The following DNHD1 variants were observed in gnomAD, a reference collection of about 807,000 sequenced individuals.
DNHD1 encodes the protein dynein heavy chain domain 1.
In DNHD1, 383 loss-of-function variants were observed where a neutral mutation model predicts 458.1. The observed-to-expected ratio is 0.84, with a 90% confidence interval of 0.77 to 0.91. DNHD1 has a LOEUF of 0.91. DNHD1 is among the 40% of genes least tolerant of loss of function. The pLI, the probability that DNHD1 is intolerant of heterozygous loss-of-function variation, is 0.00. For synonymous variants in DNHD1, 2,203 were observed against 2,376.9 expected (o/e 0.93, Z 2.13); for missense variants, 5,336 against 5,866.1 (o/e 0.91, Z 2.95).
rs375591997 is a variant in DNHD1, at chr11:6,563,070, T to G, written c.9608T>G (p.Ile3203Ser). 4.5e-6 allele frequency: 7 copies of G among 1,551,546 alleles called. No homozygotes were observed. Among genetic ancestry groups the G allele is most frequent in the East Asian group, 4.9e-5 (2 of 40,892 alleles). Reference protein sequence around the residue: ...LEECRHQENLIENLARQRDAL... With the variant: ...LEECRHQENLSENLARQRDAL... ...GAGTGTCGGCATCAAGAGAACCTCA[T>G]TGAGAACCTGGCCAGGCAACGGGAT... The change falls in exon 29 of 43, where the codon ATT (isoleucine) becomes AGT (serine). Residue 3203 changes from isoleucine to serine, a missense_variant. Coordinates refer to ENST00000254579, the MANE Select transcript of DNHD1 (RefSeq NM_144666.3).
rs1452878053 is a variant in DNHD1 at position 6,571,317 on chromosome 11, T to C, written c.13805T>C (p.Leu4602Pro). ...LLLALRGEAA[L>P]DQNVPSSNFP... The stretch of plus-strand genomic sequence containing the variant: ...CTGGCATTGCGTGGGGAAGCTGCCC[T>C]GGACCAGAATGTGCCCAGCTCGAAT... Residue 4602 changes from leucine to proline, a missense_variant, in exon 42 of 43, where the codon CTG becomes CCG. This residue lies in a region of DNHD1 where 698 missense variants were observed against 664.9 expected (regional missense o/e 1.05). Transcript: ENST00000254579. The surrounding 1 kb of genome is among the most constrained non-coding windows in gnomAD (Gnocchi z 5.0). The C allele has an allele frequency of 6.2e-7, 1 of 1,612,364 alleles. No individual in the cohort carries two copies. Among genetic ancestry groups the C allele is most frequent in the Admixed American group, 1.7e-5 (1 of 59,924 alleles).
chr11:6,563,064 A>T lies in DNHD1; in HGVS notation c.9602A>T (p.Asn3201Ile), dbSNP rs1853617732. The change falls in exon 29 of 43, where the codon AAC (asparagine) becomes ATC (isoleucine). Residue 3201 changes from asparagine (N) to isoleucine (I), a missense_variant. Around this residue, in one of 4 missense-constraint regions of DNHD1, gnomAD observed 3,932 missense variants for 4,365.6 expected, o/e 0.90. Transcript: ENST00000254579. ...CTGGAAGAGTGTCGGCATCAAGAGA[A>T]CCTCATTGAGAACCTGGCCAGGCAA... ...QQLEECRHQE[N>I]LIENLARQRD... The T allele has an allele frequency of 6.4e-7, 1 of 1,551,686 alleles. No homozygotes were observed. The highest frequency in any genetic ancestry group is 2.4e-5 in the East Asian group (1 of 40,916).
chr11:6,520,312 G>A, intron 10 of DNHD1, 23 bp downstream of exon 10: 1 of 1,551,662 alleles, frequency 6.4e-7, no homozygotes, highest in Non-Finnish European at 8.7e-7. Context: ...ACCTAGGCAG[G>A]GGGTAGGAAG....
chr11:6,511,772 G>A (rs1852338950), intron 7 of DNHD1, among the ~76,000 whole-genome samples: 1 of 152,202 alleles, frequency 6.6e-6, no homozygotes, highest in Admixed American at 6.5e-5. Context: ...ATGCTGCTGA[G>A]CTTATTTTTG....
intron 7 of DNHD1, among the ~76,000 whole-genome samples, chr11:6,517,526 AAAT>A (rs1852501993): frequency 6.6e-6 from 1 of 152,166 alleles, no homozygotes; most frequent in Admixed American, 6.5e-5. Flanking sequence ...ATATACAATG[AAAT>A]ATTATTCAGT....
At position 6,539,761 on chromosome 11, in the gene DNHD1, C is replaced by T. The variant is rs1251301883; in HGVS notation, c.3421-115C>T. On this transcript the variant is annotated intron_variant, in intron 17 of 42. Transcript: ENST00000254579. ...TCTCGCTTCATCTCTGAGACCTCCA[C>T]TTTCCTGAGCCCTGGCCCTTGAGTT... is the stretch of plus-strand genomic sequence containing the variant. 7.3e-6 allele frequency: 7 copies of T among 959,238 alleles called. 1 individual carries two copies. The East Asian group carries it at 1.6e-4, about 22-fold the overall frequency. 59.4% of individuals were successfully genotyped at this position (959,238 alleles called of 1,614,324 possible).
intron 24 of DNHD1, among the ~76,000 whole-genome samples, chr11:6,551,768 C>T (rs955629665): frequency 4.6e-5 from 7 of 152,192 alleles, no homozygotes; most frequent in Non-Finnish European, 1.0e-4. Flanking sequence ...TGGTGAAACC[C>T]CGTCTCTACT....
intron 3 of DNHD1, among the ~76,000 whole-genome samples, chr11:6,501,608 C>CA (rs1171325710): frequency 2.6e-5 from 4 of 151,838 alleles, no homozygotes; most frequent in African/African-American, 9.7e-5. Flanking sequence ...GAGAAGGAGA[C>CA]AGAGAATGGG....
At chr11:6,544,069 C>G (rs1449675527) in intron 18 of DNHD1, 52 bp from the exon 19 acceptor site, 4 of 1,547,538 alleles carry the variant, frequency 2.6e-6, no homozygotes, top group Admixed American at 2.0e-5. Context: ...TTCTCTCCCC[C>G]AGCCCCGGCC....
rs1352030491 is a variant in DNHD1, at chr11:6,563,721, T to C, written c.9881T>C (p.Ile3294Thr). Residue 3294 changes from isoleucine to threonine, a missense_variant, in exon 31 of 43, where the codon ATA becomes ACA. Ile to Thr is a moderately conservative substitution (Grantham distance 89). Transcript: ENST00000254579. ...QELVFFPKEK[I>T]TDSELIKLHL... Reference sequence around the variant, plus strand: ...CTGGTGTTCTTCCCCAAGGAGAAGATAACAGACTCAGAGCTGATAAAGTTA... The same window carrying C: ...CTGGTGTTCTTCCCCAAGGAGAAGACAACAGACTCAGAGCTGATAAAGTTA... The C allele has an allele frequency of 6.5e-7, 1 of 1,547,796 alleles. No homozygotes were observed. Among genetic ancestry groups the C allele is most frequent in the Non-Finnish European group, 8.7e-7 (1 of 1,144,862 alleles).
intron 18 of DNHD1, among the ~76,000 whole-genome samples, chr11:6,543,444 C>G (rs2344931): frequency 1.3e-5 from 2 of 151,976 alleles, no homozygotes; most frequent in Non-Finnish European, 2.9e-5. Flanking sequence ...AGAAATATTA[C>G]GTAGGGTCCT....
At position 6,545,931 on chromosome 11, in the gene DNHD1, A is replaced by C; in HGVS notation, c.4992A>C (p.Leu1664=). The C allele has an allele frequency of 1.3e-6, 2 of 1,551,754 alleles. No homozygotes were observed. The highest frequency in any genetic ancestry group is 2.4e-5 in the South Asian group (2 of 84,066). The change falls in exon 21 of 43, where the codon CTA becomes CTC. Residue 1664 remains leucine, a synonymous_variant. Transcript: ENST00000254579. This position sits in a 1 kb window ranked among gnomAD's most constrained non-coding sequence, Gnocchi z 4.9. ...CTAGACTAGGGCCTCTACCCAGCCTACTGCCTGAACGGCCAGCCCTGGTAC... is the reference window on the plus strand; with the variant it reads ...CTAGACTAGGGCCTCTACCCAGCCTCCTGCCTGAACGGCCAGCCCTGGTAC... The part of the protein sequence containing the change: ...LGPRLGPLPS[L]LPERPALVLL...
chr11:6,501,842 C>T (rs1359400156), intron 3 of DNHD1, among the ~76,000 whole-genome samples: 2 of 152,116 alleles, frequency 1.3e-5, no homozygotes, highest in African/African-American at 4.8e-5. Flanking sequence ...CCTATAAGAG[C>T]AATTATACCA....
chr11:6,558,681 C>T lies in DNHD1; in HGVS notation c.9199C>T (p.Pro3067Ser), dbSNP rs369606358. The T allele has an allele frequency of 1.9e-6, 3 of 1,550,092 alleles. No homozygotes were observed. The highest frequency in any genetic ancestry group is 2.6e-6 in the Non-Finnish European group (3 of 1,146,960). Residue 3067 changes from proline to serine, a missense_variant, in exon 26 of 43, where the codon CCC becomes TCC. Pro to Ser is a moderately conservative substitution (Grantham distance 74). Transcript: ENST00000254579. Reference sequence around the variant, plus strand: ...TCACCTGGAGGGTGCTCAGAGTGTGCCCCTTGATGACGGTAAGCCCTTTTT... The same window carrying T: ...TCACCTGGAGGGTGCTCAGAGTGTGTCCCTTGATGACGGTAAGCCCTTTTT... ...QHHLEGAQSV[P>S]LDDGSWKYPD...
chr11:6,552,262 G>A (rs1002301966), intron 24 of DNHD1, among the ~76,000 whole-genome samples: 4 of 134,244 alleles, frequency 3.0e-5, no homozygotes, highest in Admixed American at 7.3e-5. Context: ...GGTGGCTCAC[G>A]CCTGTAATCC....
intron 6 of DNHD1, among the ~76,000 whole-genome samples, chr11:6,510,710 C>T (rs1852320089): frequency 6.6e-6 from 1 of 152,200 alleles, no homozygotes; most frequent in South Asian, 2.1e-4. Flanking sequence ...CAGTACCTCT[C>T]AGTAGACACT....
Position 6,557,989 on chromosome 11 carries a change from C to A in DNHD1, c.8694C>A (p.His2898Gln), listed in dbSNP as rs1853505902. The A allele has an allele frequency of 7.1e-6, 11 of 1,551,738 alleles. No individual in the cohort carries two copies. Among genetic ancestry groups the A allele is most frequent in the Non-Finnish European group, 9.6e-6 (11 of 1,147,002 alleles). Residue 2898 changes from histidine to glutamine, a missense_variant, in exon 25 of 43, where the codon CAC becomes CAA. Physicochemically the swap from His to Gln is conservative, Grantham distance 24 (BLOSUM62 0). This residue lies in a region of DNHD1 where 3,932 missense variants were observed against 4,365.6 expected (regional missense o/e 0.90). Transcript: ENST00000254579. The part of the protein sequence containing the change: ...LLSGALGTGR[H>Q]TAITLASSIC... ...CGGGGGCTCTGGGTACTGGGCGCCA[C>A]ACTGCCATCACTCTGGCTTCTAGCA...
chr11:6,541,236 A>G (rs924485715), intron 18 of DNHD1, among the ~76,000 whole-genome samples: 1 of 152,218 alleles, frequency 6.6e-6, no homozygotes, highest in East Asian at 1.9e-4. Flanking sequence ...TGACTTGCCT[A>G]TACCTAATAG....
chr11:6,500,757 A>C (rs190052976), intron 3 of DNHD1, among the ~76,000 whole-genome samples: 1 of 152,370 alleles, frequency 6.6e-6, no homozygotes, highest in Non-Finnish European at 1.5e-5. Context: ...AGTGTTGGAT[A>C]GCTACATTTA....
Sources: gnomAD v4.1 joint callset for allele counts (sites outside exome capture counted in the v4.1 genomes callset) on GRCh38, gnomAD v4.1.1 for gene constraint, gnomAD v4.1.1 regional missense constraint, Gnocchi (gnomAD v3.1) non-coding constraint, MANE v1.5 for transcripts, NCBI Gene and HGNC (gene_info 2026-07-23, HGNC 2026-07-21) for gene names.